Variants in GPR55 observed in about 807,000 individuals in gnomAD.
GPR55 encodes G-protein coupled receptor 55.
Under a neutral mutation model 7.9 loss-of-function variants are expected in GPR55, and 6 were observed. That is an observed-to-expected ratio of 0.76 (90% confidence interval 0.41 to 1.49). The LOEUF (loss-of-function observed/expected upper bound fraction) is 1.49. GPR55 is among the 40% of genes most tolerant of loss of function. GPR55 has a pLI of 0.01. For synonymous variants in GPR55, 183 were observed against 166.8 expected (o/e 1.10, Z -0.75); for missense variants, 376 against 406.0 (o/e 0.93, Z 0.63).
At position 230,944,075 on chromosome 2, in the gene GPR55, G is replaced by C. The variant is rs1442456063; in HGVS notation, c.-135+16700C>G. Among the ~76,000 whole-genome samples the C allele has an allele frequency of 6.6e-6, 1 of 152,240 alleles. No homozygotes were observed. The highest frequency in any genetic ancestry group is 1.5e-5 in the Non-Finnish European group (1 of 68,036). ...TAGCCCAGGAGGAGGACCAGCAAGA[G>C]TAGTGAAGTGAGAAGCCTCTCCATG... On this transcript the variant is annotated intron_variant, in intron 1 of 1. Transcript: ENST00000392039. The surrounding 1 kb of genome is among the most constrained non-coding windows in gnomAD (Gnocchi z 4.2).
intron 1 of GPR55, among the ~76,000 whole-genome samples, chr2:230,934,360 C>T (rs1001011000): frequency 6.6e-6 from 1 of 152,216 alleles, no homozygotes; most frequent in Non-Finnish European, 1.5e-5. Context: ...GGCCTCTCTC[C>T]GACCCCAGCA....
chr2:230,913,586 C>A (rs533830421), intron 1 of GPR55, among the ~76,000 whole-genome samples: 1 of 152,136 alleles, frequency 6.6e-6, no homozygotes, highest in East Asian at 1.9e-4. Context: ...CCTTGGTGTC[C>A]TGTGGTCTGT....
chr2:230,912,718 G>T (rs1214798780), intron 1 of GPR55, among the ~76,000 whole-genome samples: 1 of 152,226 alleles, frequency 6.6e-6, no homozygotes, highest in Admixed American at 6.5e-5. Flanking sequence ...GGGATTACAG[G>T]CGGGAGGCCC....
chr2:230,930,712 A>T lies in GPR55; in HGVS notation c.-134-19616T>A, dbSNP rs140638327. On this transcript the variant is annotated intron_variant, in intron 1 of 1. Coordinates refer to the GPR55 transcript ENST00000392039. ...AGTCCTGAGCTCAAGCAATCCACCC[A>T]CCTCAGCCTCCCAAAATGTTGGAAT... Among the ~76,000 whole-genome samples the T allele has an allele frequency of 2.9e-3, 440 of 150,984 alleles. 1 individual carries two copies. Among genetic ancestry groups the T allele is most frequent in the African/African-American group, 0.01 (420 of 41,224 alleles).
chr2:230,948,114 C>T lies in GPR55; in HGVS notation c.-135+12661G>A, dbSNP rs150542414. The stretch of plus-strand genomic sequence containing the variant: ...TTGCCACCGCCGCCCACCCCCTGGC[C>T]GCCCCCACAGCTTCCTCCCTTGGTG... On this transcript the variant is annotated intron_variant, in intron 1 of 1. Coordinates refer to the GPR55 transcript ENST00000392039. Among the ~76,000 whole-genome samples, 264 of 152,220 alleles carry T rather than the reference C, an allele frequency of 1.7e-3. 2 individuals carry two copies. The highest frequency in any genetic ancestry group is 5.3e-3 in the African/African-American group (222 of 41,546).
intron 1 of GPR55, among the ~76,000 whole-genome samples, chr2:230,954,061 C>A (rs985609613): frequency 1.3e-5 from 2 of 152,258 alleles, no homozygotes; most frequent in Non-Finnish European, 2.9e-5. Flanking sequence ...TTCTGATCAA[C>A]GGACCTTGTC....
At chr2:230,913,413 G>C (rs1340384888) in intron 1 of GPR55, among the ~76,000 whole-genome samples, 1 of 152,056 alleles carries the variant, frequency 6.6e-6, no homozygotes, top group Non-Finnish European at 1.5e-5. Flanking sequence ...GATGTTTATA[G>C]GTTCATATAT....
At position 230,924,225 on chromosome 2, in the gene GPR55, G is replaced by T. The variant is rs1444634538; in HGVS notation, c.-135+943C>A. Reference sequence around the variant, plus strand: ...AAGAAATGACGGAACAAATGGCCAGGTCTGCTGCAGCTCCACAGTGACTGG... The same window carrying T: ...AAGAAATGACGGAACAAATGGCCAGTTCTGCTGCAGCTCCACAGTGACTGG... On this transcript the variant is annotated intron_variant, in intron 1 of 1. Transcript: ENST00000650999. The surrounding 1 kb of genome is among the most constrained non-coding windows in gnomAD (Gnocchi z 4.5). Among the ~76,000 whole-genome samples, 2 of 152,164 alleles carry T rather than the reference G, an allele frequency of 1.3e-5. No homozygotes were observed. The highest frequency in any genetic ancestry group is 2.9e-5 in the Non-Finnish European group (2 of 68,020).
intron 1 of GPR55, among the ~76,000 whole-genome samples, chr2:230,956,476 A>AT (rs1294875061): frequency 5.3e-5 from 8 of 152,146 alleles, no homozygotes; most frequent in Admixed American, 5.2e-4. Flanking sequence ...CAATCTTTTA[A>AT]TTTTTTTAAA....
intron 1 of GPR55, among the ~76,000 whole-genome samples, chr2:230,934,930 G>A (rs914114462): frequency 6.6e-5 from 10 of 152,028 alleles, no homozygotes; most frequent in African/African-American, 2.4e-4. Context: ...CCCCCACCCA[G>A]GACCCCTACA....
At chr2:230,916,226 A>T (rs554195922) in intron 1 of GPR55, among the ~76,000 whole-genome samples, 11 of 151,754 alleles carry the variant, frequency 7.2e-5, no homozygotes, top group Admixed American at 3.9e-4. Flanking sequence ...AGAAAAAAAA[A>T]TTTTTTTTAG....
chr2:230,922,534 C>T (rs1186697189), intron 1 of GPR55, among the ~76,000 whole-genome samples: 1 of 152,060 alleles, frequency 6.6e-6, no homozygotes, highest in East Asian at 1.9e-4. Flanking sequence ...CATCACCATA[C>T]CCAATTAATT....
chr2:230,952,193 G>C (rs1425290241), intron 1 of GPR55, among the ~76,000 whole-genome samples: 2 of 152,232 alleles, frequency 1.3e-5, no homozygotes, highest in Non-Finnish European at 2.9e-5. Context: ...AGGCCTATAG[G>C]GACAGGGAAA....
At chr2:230,957,755 G>C (rs980705108) in intron 1 of GPR55, 16 of 552,366 alleles carry the variant, frequency 2.9e-5, no homozygotes, top group Admixed American at 2.9e-4. Context: ...TTAACTAGTA[G>C]AATTAGAAAA....
intron 1 of GPR55, among the ~76,000 whole-genome samples, chr2:230,943,664 G>C (rs1691269347): frequency 6.6e-6 from 1 of 152,214 alleles, no homozygotes; most frequent in Non-Finnish European, 1.5e-5. Context: ...CTGGTGGAGG[G>C]GGTTGGATCA....
chr2:230,921,496 A>C (rs755555488), intron 1 of GPR55, among the ~76,000 whole-genome samples: 2 of 152,258 alleles, frequency 1.3e-5, no homozygotes, highest in Non-Finnish European at 2.9e-5. Context: ...ACTTAGCTGC[A>C]GTGCCATATT....
At chr2:230,929,128 C>T (rs1056011566), upstream of GPR55, among the ~76,000 whole-genome samples, 6 of 152,176 alleles carry the variant, frequency 3.9e-5, no homozygotes, top group African/African-American at 1.4e-4. Context: ...GCTGGGATTA[C>T]TGGTGTGAAC....
In GPR55 at chr2:230,908,049, C is replaced by T. The variant is rs1166353104; in HGVS notation, c.*1954G>A. On this transcript the variant is annotated 3_prime_UTR_variant, in exon 2 of 2. Coordinates refer to ENST00000650999, the MANE Select transcript of GPR55 (RefSeq NM_005683.4). Reference sequence around the variant, plus strand: ...TGAAAGTCTGGCTCCCTCAGAGTATCACGGGTGGGTCTCTGTCTAGGGTGG... The same window carrying T: ...TGAAAGTCTGGCTCCCTCAGAGTATTACGGGTGGGTCTCTGTCTAGGGTGG... The T allele has an allele frequency of 2.6e-5, 1 of 38,288 alleles. No homozygotes were observed. Among genetic ancestry groups the T allele is most frequent in the Non-Finnish European group, 3.8e-5 (1 of 26,012 alleles). 2.4% of individuals were successfully genotyped at this position (38,288 alleles called of 1,614,324 possible). A position where few individuals can be genotyped will look rare whatever the true frequency, so the allele number is the denominator to read the frequency against.
In GPR55 at chr2:230,910,019, GTGGTGTCCT is replaced by G; in HGVS notation, c.935_943del (p.Gln312_Thr315delinsPro). 1 of 1,613,332 alleles carries G rather than the reference GTGGTGTCCT, an allele frequency of 6.2e-7. No individual in the cohort carries two copies. The highest frequency in any genetic ancestry group is 1.1e-5 in the South Asian group (1 of 91,040). ...GTCCTTCCGTTAGCCCCGGGAGATC[GTGGTGTCCT>G]GCAGGACCAGCTGGACCCTGGAAGG... On this transcript the variant is annotated inframe_deletion, in exon 2 of 2. Coordinates refer to ENST00000650999, the MANE Select transcript of GPR55 (RefSeq NM_005683.4). This position sits in a 1 kb window ranked among gnomAD's most constrained non-coding sequence, Gnocchi z 5.4.
Sources: gnomAD v4.1 joint callset for allele counts (sites outside exome capture counted in the v4.1 genomes callset) on GRCh38, gnomAD v4.1.1 for gene constraint, Gnocchi (gnomAD v3.1) non-coding constraint, MANE v1.5 for transcripts, NCBI Gene and HGNC (gene_info 2026-07-23, HGNC 2026-07-21) for gene names.